The following PRKD1 variants were observed in gnomAD, a reference collection of about 807,000 sequenced individuals.
PRKD1 encodes the protein serine/threonine-protein kinase D1.
Under a neutral mutation model 95.9 loss-of-function variants are expected in PRKD1, and 63 were observed. That is an observed-to-expected ratio of 0.66 (90% CI 0.54 to 0.81). PRKD1 has a LOEUF of 0.81. Among genes scored for constraint, PRKD1 ranks in the 30% least tolerant of loss-of-function variants. The pLI is 0.00. For synonymous variants in PRKD1, 425 were observed against 423.1 expected (o/e 1.00, Z -0.05); for missense variants, 1,048 against 1,165.3 (o/e 0.90, Z 1.47).
At chr14:29,860,343 C>T (rs979246962) in intron 1 of PRKD1, among the ~76,000 whole-genome samples, 16 of 152,162 alleles carry the variant, frequency 1.1e-4, no homozygotes, top group Non-Finnish European at 2.1e-4. Flanking sequence ...CAAACTAAAT[C>T]ACATCGTGTG....
At chr14:29,821,644 G>A (rs1275603973) in intron 1 of PRKD1, among the ~76,000 whole-genome samples, 1 of 152,050 alleles carries the variant, frequency 6.6e-6, no homozygotes, top group Non-Finnish European at 1.5e-5. Flanking sequence ...GACATTCAGG[G>A]CTTATAAAGC....
At chr14:29,668,017 T>A (rs1422601534) in intron 2 of PRKD1, among the ~76,000 whole-genome samples, 1 of 152,144 alleles carries the variant, frequency 6.6e-6, no homozygotes, top group African/African-American at 2.4e-5. Context: ...GCCATATTTC[T>A]AAAGTTCAAT....
At chr14:29,604,254 G>C (rs1893627111) in intron 13 of PRKD1, among the ~76,000 whole-genome samples, 1 of 151,936 alleles carries the variant, frequency 6.6e-6, no homozygotes, top group Non-Finnish European at 1.5e-5. Context: ...TGTAAATCTA[G>C]AGTTTATAAT....
chr14:29,736,710 T>C (rs1886730889), intron 1 of PRKD1, among the ~76,000 whole-genome samples: 1 of 152,226 alleles, frequency 6.6e-6, no homozygotes, highest in East Asian at 1.9e-4. Context: ...GCACTGGTCC[T>C]AAGCTCTTTA....
intron 1 of PRKD1, among the ~76,000 whole-genome samples, chr14:29,909,546 T>C (rs2139443394): frequency 6.6e-6 from 1 of 152,302 alleles, no homozygotes; most frequent in East Asian, 1.9e-4. Flanking sequence ...CAGCCCTCTG[T>C]GTCTAGCTCA....
At chr14:29,905,880 C>T (rs1051803604) in intron 1 of PRKD1, among the ~76,000 whole-genome samples, 6 of 152,126 alleles carry the variant, frequency 3.9e-5, no homozygotes, top group East Asian at 1.9e-4. Context: ...ATCCACCCAG[C>T]GGGGCTTATA....
intron 1 of PRKD1, among the ~76,000 whole-genome samples, chr14:29,820,792 A>G (rs1010785470): frequency 6.6e-6 from 1 of 152,212 alleles, no homozygotes; most frequent in African/African-American, 2.4e-5. Context: ...AAGGGAAGGG[A>G]GAAAAGGAAT....
chr14:29,605,412 A>G (rs1594355674), intron 13 of PRKD1, among the ~76,000 whole-genome samples: 1 of 151,878 alleles, frequency 6.6e-6, no homozygotes, highest in African/African-American at 2.4e-5. Flanking sequence ...CCACCCTAAA[A>G]CCATTTTTAT....
At chr14:29,648,247 T>TC (rs970181813) in intron 4 of PRKD1, among the ~76,000 whole-genome samples, 4 of 151,592 alleles carry the variant, frequency 2.6e-5, no homozygotes, top group Non-Finnish European at 4.4e-5. Flanking sequence ...TCTACTTCAA[T>TC]CCCCCCTTTG....
intron 4 of PRKD1, among the ~76,000 whole-genome samples, chr14:29,641,790 T>C (rs1053802535): frequency 1.2e-4 from 18 of 152,026 alleles, no homozygotes; most frequent in Non-Finnish European, 2.5e-4. Context: ...GGCTATGGAA[T>C]AAGGCCATGA....
At chr14:29,606,552 T>C (rs1248555294) in intron 13 of PRKD1, among the ~76,000 whole-genome samples, 1 of 152,180 alleles carries the variant, frequency 6.6e-6, no homozygotes, top group Admixed American at 6.5e-5. Context: ...ATTTATTTAA[T>C]ATCTAGCTCT....
rs992449669 is a variant in PRKD1 at position 29,578,543 on chromosome 14, T to TAAAAAAAAAA, written c.2435-193_2435-184dup. ...TTGGCCTTCATTTTATTTTGGATAC[T>TAAAAAAAAAA]AAAAAAAAAAAAAAAAAAAAAAAAA... On this transcript the variant is annotated intron_variant, in intron 16 of 17. Transcript: ENST00000331968. 3.5e-4 allele frequency among the ~76,000 whole-genome samples: 15 copies of TAAAAAAAAAA among 42,702 alleles called. 1 individual carries two copies. The highest frequency in any genetic ancestry group is 9.8e-4 in the African/African-American group (13 of 13,276). The allele number at this position is 42,702 out of a possible 152,430, so 28.0% of individuals were successfully genotyped here. A position where few individuals can be genotyped will look rare whatever the true frequency, so the allele number is the denominator to read the frequency against.
In PRKD1 at chr14:29,897,131, T is replaced by C. The variant is rs1448847159; in HGVS notation, c.264+30118A>G. ...ATACAAATTTTTAATTGACTCATTT[T>C]ATAAGTCTATTTTATAAGCTTATTT... On this transcript the variant is annotated intron_variant, in intron 1 of 17. Coordinates refer to ENST00000331968, the MANE Select transcript of PRKD1 (RefSeq NM_002742.3). 2.6e-5 allele frequency among the ~76,000 whole-genome samples: 4 copies of C among 152,236 alleles called. No homozygotes were observed. In the South Asian group the frequency reaches 6.2e-4, roughly 24 times the overall value.
intron 2 of PRKD1, among the ~76,000 whole-genome samples, chr14:29,688,673 T>G (rs1242593092): frequency 4.6e-5 from 7 of 152,104 alleles, no homozygotes. Flanking sequence ...GGTTCGTCCC[T>G]GTAATCCAAG....
At chr14:29,697,250 T>C (rs887972081) in intron 2 of PRKD1, among the ~76,000 whole-genome samples, 1 of 152,008 alleles carries the variant, frequency 6.6e-6, no homozygotes, top group African/African-American at 2.4e-5. Context: ...GACAATGTAA[T>C]TTAAATTCAT....
intron 6 of PRKD1, chr14:29,638,196 G>A (rs1594384725): frequency 2.9e-6 from 1 of 350,454 alleles, no homozygotes; most frequent in Non-Finnish European, 5.2e-6. Flanking sequence ...CACATTTCTG[G>A]GCAAACTAGG....
At chr14:29,794,367 C>T (rs1462019271) in intron 1 of PRKD1, among the ~76,000 whole-genome samples, 1 of 151,746 alleles carries the variant, frequency 6.6e-6, no homozygotes, top group African/African-American at 2.4e-5. Flanking sequence ...TACTCCTGCC[C>T]CTAAATATCA....
At chr14:29,721,971 T>C (rs1463526740) in intron 2 of PRKD1, among the ~76,000 whole-genome samples, 1 of 151,620 alleles carries the variant, frequency 6.6e-6, no homozygotes, top group Non-Finnish European at 1.5e-5. Flanking sequence ...TAGTTTTCAC[T>C]CCCAAAGCAG....
chr14:29,714,198 AG>A (rs1885479914), intron 2 of PRKD1, among the ~76,000 whole-genome samples: 1 of 152,194 alleles, frequency 6.6e-6, no homozygotes, highest in Non-Finnish European at 1.5e-5. Context: ...TGGGGTACTA[AG>A]GTATGAGGAA....
Sources: gnomAD v4.1 joint callset for allele counts (sites outside exome capture counted in the v4.1 genomes callset) on GRCh38, gnomAD v4.1.1 for gene constraint, MANE v1.5 for transcripts, NCBI Gene and HGNC (gene_info 2026-07-23, HGNC 2026-07-21) for gene names.